VPS41: variants seen among roughly 807,000 people sequenced by gnomAD.
VPS41 encodes the protein VPS41 subunit of HOPS complex, also known as vacuolar protein sorting-associated protein 41 homolog.
In VPS41, 85 loss-of-function variants were observed where a neutral mutation model predicts 130.9. That is an observed-to-expected ratio of 0.65 (90% CI 0.55 to 0.78). The LOEUF (loss-of-function observed/expected upper bound fraction) is 0.78, where lower values mean the gene tolerates loss of function less well. VPS41 is among the 30% of genes least tolerant of loss of function. The pLI, the probability that VPS41 is intolerant of heterozygous loss-of-function variation, is 0.00. For synonymous variants in VPS41, 335 were observed against 332.9 expected (o/e 1.01, Z -0.07); for missense variants, 874 against 1,018.7 (o/e 0.86, Z 1.93).
chr7:38,834,024 A>T (rs911324809), intron 4 of VPS41, among the ~76,000 whole-genome samples: 5 of 152,110 alleles, frequency 3.3e-5, no homozygotes, highest in African/African-American at 1.2e-4. Context: ...AATTTTCTAT[A>T]TTGATAAAAG....
chr7:38,877,318 G>A (rs189607692), intron 2 of VPS41, among the ~76,000 whole-genome samples: 108 of 152,098 alleles, frequency 7.1e-4, no homozygotes, highest in African/African-American at 2.4e-3. Flanking sequence ...GTGTTACTTC[G>A]CAGACACAGA....
chr7:38,728,960 C>T (rs990456258), intron 25 of VPS41, among the ~76,000 whole-genome samples, 169 bp from the exon 26 acceptor site: 2 of 152,162 alleles, frequency 1.3e-5, no homozygotes, highest in African/African-American at 4.8e-5. Flanking sequence ...CACTGCCAGG[C>T]TGACCTGGCC....
intron 23 of VPS41, among the ~76,000 whole-genome samples, chr7:38,745,311 G>C (rs962182843): frequency 3.3e-5 from 5 of 152,178 alleles, no homozygotes; most frequent in Non-Finnish European, 5.9e-5. Flanking sequence ...TCTATGTTGT[G>C]AGGTATAAAC....
intron 22 of VPS41, 57 bp from the exon 23 acceptor site, chr7:38,745,670 T>C: frequency 7.7e-7 from 1 of 1,306,500 alleles, no homozygotes; most frequent in Non-Finnish European, 1.1e-6. Flanking sequence ...GAACAAACAG[T>C]AATAAAGTCA....
At chr7:38,733,920 A>T (rs1178159767) in intron 25 of VPS41, among the ~76,000 whole-genome samples, 3 of 152,128 alleles carry the variant, frequency 2.0e-5, no homozygotes, top group Non-Finnish European at 4.4e-5. Context: ...CTCAACAAAG[A>T]ATTAAAATAA....
At position 38,869,284 on chromosome 7, in the gene VPS41, G is replaced by A. The variant is rs552697876; in HGVS notation, c.61-31C>T. The A allele has an allele frequency of 1.1e-4, 166 of 1,489,530 alleles. 1 individual carries two copies. Among genetic ancestry groups the A allele is most frequent in the Admixed American group, 5.6e-4 (31 of 55,112 alleles). 92.3% of individuals were successfully genotyped at this position (1,489,530 alleles called of 1,614,324 possible). On this transcript the variant is annotated intron_variant, in intron 2 of 28. Coordinates refer to ENST00000310301, the MANE Select transcript of VPS41 (RefSeq NM_014396.4). ...CAAACGGCAAAGAAAAATGACACCC[G>A]TCAGAGATTTATTTGTTTTGAAAAC...
intron 22 of VPS41, among the ~76,000 whole-genome samples, chr7:38,749,391 TC>T (rs1232448905): frequency 2.0e-5 from 3 of 152,310 alleles, no homozygotes; most frequent in African/African-American, 7.2e-5. Context: ...TATAGTGTCT[TC>T]CCAGTAAAGG....
At chr7:38,773,124 C>T (rs1273654687) in intron 12 of VPS41, among the ~76,000 whole-genome samples, 1 of 152,138 alleles carries the variant, frequency 6.6e-6, no homozygotes, top group Non-Finnish European at 1.5e-5. Context: ...TAAATGTTTC[C>T]TCCTCATCAA....
At chr7:38,779,721 G>C (rs533825439) in intron 10 of VPS41, among the ~76,000 whole-genome samples, 1 of 152,296 alleles carries the variant, frequency 6.6e-6, no homozygotes, top group South Asian at 2.1e-4. Flanking sequence ...AGAAGGGCTG[G>C]CTGCAGACAG....
At chr7:38,790,053 A>C (rs774529228) in intron 9 of VPS41, among the ~76,000 whole-genome samples, 186 bp from the exon 10 acceptor site, 10 of 152,224 alleles carry the variant, frequency 6.6e-5, no homozygotes, top group Non-Finnish European at 1.2e-4. Context: ...TATATTCACC[A>C]ACTTTATTCC....
intron 25 of VPS41, among the ~76,000 whole-genome samples, chr7:38,731,461 T>C (rs1277733689): frequency 6.6e-6 from 1 of 152,216 alleles, no homozygotes; most frequent in Non-Finnish European, 1.5e-5. Context: ...ATAAAGACAC[T>C]GATGGCCAAA....
intron 10 of VPS41, among the ~76,000 whole-genome samples, chr7:38,779,107 G>A (rs1584391954): frequency 1.3e-5 from 2 of 152,176 alleles, no homozygotes; most frequent in African/African-American, 4.8e-5. Context: ...AATTCCAGAT[G>A]TTGTAATAAA....
intron 7 of VPS41, among the ~76,000 whole-genome samples, chr7:38,797,749 C>T (rs917429484): frequency 2.0e-5 from 3 of 152,264 alleles, no homozygotes; most frequent in Admixed American, 6.5e-5. Context: ...GTCCTCTACC[C>T]ACCCCAAAAG....
intron 4 of VPS41, among the ~76,000 whole-genome samples, chr7:38,851,801 T>C (rs555212969): frequency 1.3e-5 from 2 of 152,316 alleles, no homozygotes; most frequent in African/African-American, 4.8e-5. Flanking sequence ...TTCCTCCACA[T>C]CCTAACCAAT....
chr7:38,777,060 T>C (rs1374243783), intron 10 of VPS41, among the ~76,000 whole-genome samples: 1 of 152,134 alleles, frequency 6.6e-6, no homozygotes, highest in Non-Finnish European at 1.5e-5. Flanking sequence ...TGTGCTTAGG[T>C]AGTTTAAAAT....
At chr7:38,799,045 T>C (rs1184360594) in intron 7 of VPS41, among the ~76,000 whole-genome samples, 2 of 152,082 alleles carry the variant, frequency 1.3e-5, no homozygotes, top group Non-Finnish European at 1.5e-5. Context: ...CCAGTCTTAC[T>C]CTGAAACACA....
Position 38,763,555 on chromosome 7 carries a change from A to C in VPS41, c.1330-8T>G. On this transcript the variant is annotated splice_polypyrimidine_tract_variant and splice_region_variant and intron_variant, in intron 16 of 28. Transcript: ENST00000310301. ...CAAATAAGGACTAATAGCCTAGGTA[A>C]GGAAAAGGGAAAAAAAAGTCCATTA... 2 of 1,565,320 alleles carry C rather than the reference A, an allele frequency of 1.3e-6. No homozygotes were observed. Among genetic ancestry groups the C allele is most frequent in the Non-Finnish European group, 1.7e-6 (2 of 1,156,398 alleles).
intron 10 of VPS41, among the ~76,000 whole-genome samples, chr7:38,787,510 G>A (rs1784461452): frequency 6.6e-6 from 1 of 152,172 alleles, no homozygotes; most frequent in African/African-American, 2.4e-5. Context: ...TGGCCAAGAA[G>A]CTTAATCTTC....
rs1014402660 is a variant in VPS41, at chr7:38,723,935, T to C, written c.*2311A>G. On this transcript the variant is annotated 3_prime_UTR_variant, in exon 29 of 29. Transcript: ENST00000310301. ...GATGAAAAGTAAAAAGGATTGAATA[T>C]CCTTTAATAAATCACCCAATACTGT... 2 of 152,022 alleles carry C rather than the reference T, an allele frequency of 1.3e-5. No homozygotes were observed. The highest frequency in any genetic ancestry group is 4.8e-5 in the African/African-American group (2 of 41,408). 9.4% of individuals were successfully genotyped at this position (152,022 alleles called of 1,614,324 possible).
Sources: gnomAD v4.1 joint callset for allele counts (sites outside exome capture counted in the v4.1 genomes callset) on GRCh38, gnomAD v4.1.1 for gene constraint, MANE v1.5 for transcripts, NCBI Gene and HGNC (gene_info 2026-07-23, HGNC 2026-07-21) for gene names.